STX6: variants seen among roughly 807,000 people sequenced by gnomAD.
STX6 encodes the protein syntaxin-6.
STX6 carries 23 observed loss-of-function variants against 38.0 expected under a neutral mutation model. The observed-to-expected ratio is 0.60, with a 90% CI of 0.43 to 0.86. The LOEUF (loss-of-function observed/expected upper bound fraction) is 0.86. STX6 is among the 40% of genes least tolerant of loss of function. The pLI is 0.00. For missense variants in STX6, 274 were observed against 312.9 expected (o/e 0.88, Z 0.94); for synonymous variants, 123 against 107.5 (o/e 1.14, Z -0.89).
chr1:180,992,687 G>A (rs1655787336), intron 4 of STX6, among the ~76,000 whole-genome samples: 1 of 152,158 alleles, frequency 6.6e-6, no homozygotes, highest in Non-Finnish European at 1.5e-5. Context: ...CTAAATGAAA[G>A]TCCAAATTCT....
intron 7 of STX6, among the ~76,000 whole-genome samples, chr1:180,979,927 C>A (rs547790746): frequency 9.2e-5 from 14 of 152,250 alleles, no homozygotes; most frequent in African/African-American, 3.1e-4. Flanking sequence ...AGAGATGGGG[C>A]TGGGCAAGGT....
At chr1:181,016,400 A>G (rs1656556175) in intron 1 of STX6, among the ~76,000 whole-genome samples, 2 of 152,120 alleles carry the variant, frequency 1.3e-5, no homozygotes, top group Non-Finnish European at 2.9e-5. Context: ...AATCTTACAC[A>G]ATATATCTTT....
intron 1 of STX6, among the ~76,000 whole-genome samples, chr1:181,014,111 C>A (rs1008910027): frequency 2.0e-5 from 3 of 152,082 alleles, no homozygotes; most frequent in Non-Finnish European, 4.4e-5. Flanking sequence ...TTAATAAAAA[C>A]AAACAGCCGG....
At position 181,022,582 on chromosome 1, in the gene STX6, T is replaced by C. The variant is rs1012567852; in HGVS notation, c.35+57A>G. The C allele has an allele frequency of 2.6e-6, 4 of 1,561,980 alleles. No homozygotes were observed. The African/African-American group carries it at 5.5e-5, about 21-fold the overall frequency. On this transcript the variant is annotated intron_variant, in intron 1 of 7. Transcript: ENST00000258301. ...CCCCACTGCGAGAAGACCTAGGAGG[T>C]GCGGGCAGGCAGCACCGCCACCTCT... is the stretch of plus-strand genomic sequence containing the variant.
chr1:180,995,201 T>G (rs1051011614), intron 3 of STX6, among the ~76,000 whole-genome samples: 1 of 152,134 alleles, frequency 6.6e-6, no homozygotes, highest in Non-Finnish European at 1.5e-5. Flanking sequence ...GATCTTGTGA[T>G]CTGCCCACCT....
chr1:180,989,266 T>TG (rs886569403), intron 5 of STX6: 32 of 151,730 alleles, frequency 2.1e-4, no homozygotes, highest in African/African-American at 7.5e-4. Flanking sequence ...CTGAGTCAGG[T>TG]GGATTGCCTG....
intron 1 of STX6, among the ~76,000 whole-genome samples, chr1:181,010,104 G>A (rs147482072): frequency 0.012 from 1,841 of 152,248 alleles, 19 homozygotes; most frequent in Middle Eastern, 0.02. Flanking sequence ...ACAGAGAAAC[G>A]TTTTGGGGTG....
chr1:181,005,706 G>C (rs1656204840), intron 1 of STX6, among the ~76,000 whole-genome samples: 1 of 152,156 alleles, frequency 6.6e-6, no homozygotes, highest in Non-Finnish European at 1.5e-5. Flanking sequence ...CAAGTTTGTT[G>C]GGGAAGGACA....
chr1:181,016,874 G>A (rs1232962788), intron 1 of STX6, among the ~76,000 whole-genome samples: 1 of 150,602 alleles, frequency 6.6e-6, no homozygotes, highest in Non-Finnish European at 1.5e-5. Flanking sequence ...ATCACCTGAG[G>A]TCAGGAGTTC....
chr1:181,012,018 T>C (rs183749954), intron 1 of STX6, among the ~76,000 whole-genome samples: 6 of 152,358 alleles, frequency 3.9e-5, no homozygotes, highest in African/African-American at 1.2e-4. Flanking sequence ...TTTCCTCAAC[T>C]ATGTAATCAG....
At position 180,997,002 on chromosome 1, in the gene STX6, G is replaced by T. The variant is rs535322384; in HGVS notation, c.301-3577C>A. On this transcript the variant is annotated intron_variant, in intron 3 of 7. Transcript: ENST00000258301. ...TAAACAATAACCAAAATATCTACTG[G>T]TAGGTCAATGATTAAATAAATCATA... Among the ~76,000 whole-genome samples the T allele has an allele frequency of 3.9e-5, 6 of 152,236 alleles. No homozygotes were observed. The South Asian group carries it at 1.2e-3, about 32-fold the overall frequency.
In STX6 at chr1:181,022,690, C is replaced by A; in HGVS notation, c.-17G>T. On this transcript the variant is annotated 5_prime_UTR_variant, in exon 1 of 8. Transcript: ENST00000258301. ...CATGGACATGGCGTCCCGGCCCCGG[C>A]CGCCTTCACCTCCTCCGCGCACAGG... The A allele has an allele frequency of 1.9e-6, 3 of 1,604,078 alleles. No homozygotes were observed. The highest frequency in any genetic ancestry group is 2.6e-6 in the Non-Finnish European group (3 of 1,176,156).
At position 181,015,385 on chromosome 1, in the gene STX6, A is replaced by G. The variant is rs575550459; in HGVS notation, c.35+7254T>C. On this transcript the variant is annotated intron_variant, in intron 1 of 7. Transcript: ENST00000258301. ...CTTTCTAGCTTCCTCATTTTAGCCA[A>G]TAGTGCCACCATTTTCCAAGTTTCA... Among the ~76,000 whole-genome samples, 123 of 152,350 alleles carry G rather than the reference A, an allele frequency of 8.1e-4. 1 individual carries two copies. The highest frequency in any genetic ancestry group is 1.5e-3 in the Non-Finnish European group (105 of 68,032).
intron 6 of STX6, 23 bp from the exon 7 acceptor site, chr1:180,984,794 G>T (rs761665089): frequency 7.5e-6 from 9 of 1,206,594 alleles, no homozygotes; most frequent in South Asian, 7.3e-5. Context: ...AGACACAGAA[G>T]GTCGCTGGTA....
chr1:181,002,818 C>T, intron 2 of STX6, 118 bp from the exon 3 acceptor site: 1 of 662,838 alleles, frequency 1.5e-6, no homozygotes, highest in Non-Finnish European at 2.7e-6. Flanking sequence ...TCTGAAAACA[C>T]AGTCAGCTGG....
chr1:180,994,488 T>C (rs777192497), intron 3 of STX6, among the ~76,000 whole-genome samples: 2 of 152,240 alleles, frequency 1.3e-5, no homozygotes, highest in African/African-American at 4.8e-5. Flanking sequence ...CATGATGACA[T>C]GCCTGAGTCA....
chr1:181,005,101 C>T (rs1656187590), intron 2 of STX6, 193 bp downstream of exon 2: 2 of 464,174 alleles, frequency 4.3e-6, no homozygotes, highest in Non-Finnish European at 5.6e-6. Context: ...GGATTTGTCA[C>T]ACACTGTATA....
chr1:181,000,574 G>C (rs577712694), intron 3 of STX6, among the ~76,000 whole-genome samples: 13 of 152,256 alleles, frequency 8.5e-5, no homozygotes, highest in Admixed American at 7.2e-4. Context: ...TGGGGATTAT[G>C]GGGATTACAA....
At chr1:181,014,380 C>G (rs1183750327) in intron 1 of STX6, among the ~76,000 whole-genome samples, 1 of 138,350 alleles carries the variant, frequency 7.2e-6, no homozygotes, top group Non-Finnish European at 1.5e-5. Flanking sequence ...GGAGACAGAG[C>G]AAGACTCCAT....
Sources: allele counts gnomAD v4.1 joint callset (sites outside exome capture counted in the v4.1 genomes callset), GRCh38; gene constraint gnomAD v4.1.1; transcripts MANE v1.5; gene names NCBI Gene and HGNC (gene_info 2026-07-23, HGNC 2026-07-21).